Variants in RNASEL observed in about 807,000 individuals in gnomAD.
RNASEL encodes the protein 2-5A-dependent ribonuclease.
A neutral mutation model predicts 50.9 loss-of-function variants in RNASEL; 36 were observed. That is an observed-to-expected ratio of 0.71 (90% CI 0.54 to 0.93). The LOEUF (loss-of-function observed/expected upper bound fraction) is 0.93, where lower values mean the gene tolerates loss of function less well. Among genes scored for constraint, RNASEL ranks in the 40% least tolerant of loss-of-function variants. RNASEL has a pLI of 0.00. For synonymous variants in RNASEL, 335 were observed against 335.6 expected (o/e 1.00, Z 0.02); for missense variants, 860 against 894.5 (o/e 0.96, Z 0.49).
rs1661609076 is a variant in RNASEL, at chr1:182,586,777, C to G, written c.30G>C (p.Gln10His). Reference sequence around the variant, plus strand: ...TACCGCTGGAGGACGTGGGTCCCTCCTGGGGGTTGTTATGATCCCTGCTCT... The same window carrying G: ...TACCGCTGGAGGACGTGGGTCCCTCGTGGGGGTTGTTATGATCCCTGCTCT... The part of the protein sequence containing the change: MESRDHNNP[Q>H]EGPTSSSGRR... The change falls in exon 2 of 7, where the codon CAG (glutamine) becomes CAC (histidine). Residue 10 changes from glutamine to histidine, a missense_variant. By Grantham distance (24) the Gln-to-His change is conservative. Transcript: ENST00000367559. 6.2e-7 allele frequency: 1 copy of G among 1,614,104 alleles called. No homozygotes were observed. The highest frequency in any genetic ancestry group is 1.3e-5 in the African/African-American group (1 of 74,942).
intron 1 of RNASEL, among the ~76,000 whole-genome samples, chr1:182,588,270 G>A (rs914602100): frequency 5.9e-5 from 9 of 152,130 alleles, no homozygotes; most frequent in African/African-American, 2.2e-4. Context: ...ATTACTTCCT[G>A]TAACCTTGGA....
chr1:182,576,038 C>T (rs1661370517), intron 6 of RNASEL, among the ~76,000 whole-genome samples: 1 of 152,128 alleles, frequency 6.6e-6, no homozygotes, highest in African/African-American at 2.4e-5. Flanking sequence ...TACCATTTAT[C>T]CAACAAAAAA....
At position 182,575,412 on chromosome 1, in the gene RNASEL, AC is replaced by A; in HGVS notation, c.2205del (p.Leu736TrpfsTer42). ...PQCDGAGGAS[G>X]LASPGC Reference sequence around the variant, plus strand: ...GTCCATCAGCACCCAGGGCTGGCCAACCCACTGGCCCCACCAGCTCCATCAC... The same window carrying A: ...GTCCATCAGCACCCAGGGCTGGCCAACCACTGGCCCCACCAGCTCCATCAC... On this transcript the variant is annotated frameshift_variant, in exon 7 of 7. Coordinates refer to ENST00000367559, the MANE Select transcript of RNASEL (RefSeq NM_021133.4). LOFTEE classifies it high-confidence loss of function. The A allele has an allele frequency of 6.8e-6, 11 of 1,614,104 alleles. No individual in the cohort carries two copies. The highest frequency in any genetic ancestry group is 9.3e-6 in the Non-Finnish European group (11 of 1,180,018).
rs1328809772 is a variant in RNASEL, at chr1:182,586,743, C to T, written c.64G>A (p.Ala22Thr). 6.2e-7 allele frequency: 1 copy of T among 1,614,258 alleles called. No individual in the cohort carries two copies. Among genetic ancestry groups the T allele is most frequent in the Non-Finnish European group, 8.5e-7 (1 of 1,180,040 alleles). The part of the protein sequence containing the change: ...GPTSSSGRRA[A>T]VEDNHLLIKA... ...ATCAGCAAGTGATTGTCTTCCACTGCAGCCCTTCTACCGCTGGAGGACGTG... is the reference window on the plus strand; with the variant it reads ...ATCAGCAAGTGATTGTCTTCCACTGTAGCCCTTCTACCGCTGGAGGACGTG... The change falls in exon 2 of 7, where the codon GCA becomes ACA. Residue 22 changes from alanine to threonine, a missense_variant. By Grantham distance (58) the Ala-to-Thr change is moderately conservative. Transcript: ENST00000367559.
chr1:182,579,980 T>C (rs1454293552), intron 5 of RNASEL: 2 of 456,804 alleles, frequency 4.4e-6, no homozygotes, highest in South Asian at 1.5e-5. Flanking sequence ...GTTGGAAAAA[T>C]TATTTGTCTG....
chr1:182,588,721 C>A (rs1661645536), intron 1 of RNASEL, among the ~76,000 whole-genome samples: 1 of 152,210 alleles, frequency 6.6e-6, no homozygotes, highest in African/African-American at 2.4e-5. Flanking sequence ...TACACGATCA[C>A]CAGGCAATGA....
intron 3 of RNASEL, 116 bp downstream of exon 3, chr1:182,583,965 C>T (rs1661545296): frequency 2.5e-6 from 2 of 793,280 alleles, no homozygotes; most frequent in Admixed American, 1.8e-5. Context: ...CCTTAATAAA[C>T]TCCCTTTCAT....
chr1:182,576,420 G>A, intron 5 of RNASEL, 31 bp from the exon 6 acceptor site: 1 of 1,500,994 alleles, frequency 6.7e-7, no homozygotes, highest in Non-Finnish European at 9.2e-7. Context: ...ACAAAAATGT[G>A]GTAGCAACAC....
chr1:182,587,005 A>G (rs1661614052), intron 1 of RNASEL, 35 bp from the exon 2 acceptor site: 1 of 590,502 alleles, frequency 1.7e-6, no homozygotes, highest in East Asian at 2.9e-5. Flanking sequence ...TAATTTTACA[A>G]TAGGGAGAAA....
chr1:182,579,956 A>C (rs1264353267), intron 5 of RNASEL: 1 of 457,374 alleles, frequency 2.2e-6, no homozygotes. Flanking sequence ...TGCACCCCTT[A>C]CTGGTTCTGT....
At chr1:182,582,341 A>G in intron 3 of RNASEL, 83 bp from the exon 4 acceptor site, 1 of 1,501,622 alleles carries the variant, frequency 6.7e-7, no homozygotes, top group South Asian at 1.1e-5. Context: ...GCTATTAGCA[A>G]ACAAGATGAT....
chr1:182,582,391 G>C, intron 3 of RNASEL, 133 bp from the exon 4 acceptor site: 1 of 1,018,424 alleles, frequency 9.8e-7, no homozygotes, highest in Admixed American at 1.9e-5. Flanking sequence ...GTTAGGGAGG[G>C]AAGGCACAGA....
rs1661344280 is a variant in RNASEL at position 182,574,459 on chromosome 1, C to T, written c.*933G>A. ...AAGAGTAAATAAATCTGAGTCCCTC[C>T]TCTGTGGGGTGGTCCACACACTCCA... On this transcript the variant is annotated 3_prime_UTR_variant, in exon 7 of 7. Transcript: ENST00000367559. 4.3e-6 allele frequency: 1 copy of T among 230,916 alleles called. No individual in the cohort carries two copies. The highest frequency in any genetic ancestry group is 5.6e-5 in the Admixed American group (1 of 17,702). 14.3% of individuals were successfully genotyped at this position (230,916 alleles called of 1,614,324 possible).
At chr1:182,580,535 C>A (rs1661472706) in intron 5 of RNASEL, among the ~76,000 whole-genome samples, 1 of 152,246 alleles carries the variant, frequency 6.6e-6, no homozygotes, top group South Asian at 2.1e-4. Context: ...CTCAGCCCCA[C>A]AGGGACACAT....
intron 2 of RNASEL, 56 bp from the exon 3 acceptor site, chr1:182,584,222 G>T: frequency 2.7e-6 from 3 of 1,118,784 alleles, no homozygotes; most frequent in Non-Finnish European, 4.1e-6. Context: ...TAAAGTGAGA[G>T]TCAATTGATT....
At chr1:182,587,341 T>C (rs1432203137) in intron 1 of RNASEL, among the ~76,000 whole-genome samples, 1 of 152,066 alleles carries the variant, frequency 6.6e-6, no homozygotes, top group Non-Finnish European at 1.5e-5. Context: ...ATCATACAGT[T>C]GTTTCATTTC....
Position 182,579,919 on chromosome 1 carries a change from G to T in RNASEL, c.1905+1306C>A, listed in dbSNP as rs1361051402. 3 of 462,746 alleles carry T rather than the reference G, an allele frequency of 6.5e-6. No homozygotes were observed. The Admixed American group carries it at 7.0e-5, about 11-fold the overall frequency. 28.7% of individuals were successfully genotyped at this position (462,746 alleles called of 1,614,324 possible). A position where few individuals can be genotyped will look rare whatever the true frequency, so the allele number is the denominator to read the frequency against. On this transcript the variant is annotated intron_variant, in intron 5 of 6. Transcript: ENST00000367559. ...GTGGCTTAAGCACATGGCCTCTGCA[G>T]CCATCCTTCCCAGCTTCAAATCCTG...
At chr1:182,582,007 C>A in intron 4 of RNASEL, 46 bp downstream of exon 4, 1 of 1,560,178 alleles carries the variant, frequency 6.4e-7, no homozygotes, top group South Asian at 1.1e-5. Context: ...CCACCTTACC[C>A]TTTCCATCCT....
intron 4 of RNASEL, 116 bp from the exon 5 acceptor site, chr1:182,581,473 CTTTTTTTTTTTTTTTTT>C: frequency 3.4e-6 from 1 of 294,354 alleles, no homozygotes. Flanking sequence ...GTTTTTCTTT[CTTTTTTTTTTTTTTTTT>C]TTTTTTTTTG....
Sources: gnomAD v4.1 joint callset for allele counts (sites outside exome capture counted in the v4.1 genomes callset) on GRCh38, gnomAD v4.1.1 for gene constraint, MANE v1.5 for transcripts, NCBI Gene and HGNC (gene_info 2026-07-23, HGNC 2026-07-21) for gene names.